Variants in PIK3R4 observed in about 807,000 individuals in gnomAD.
The protein encoded by PIK3R4 is phosphoinositide-3-kinase regulatory subunit 4.
In PIK3R4, 46 loss-of-function variants were observed where a neutral mutation model predicts 136.5. That is an observed-to-expected ratio of 0.34 (90% CI 0.27 to 0.43). The LOEUF is 0.43. PIK3R4 is among the 20% of genes least tolerant of loss of function. The pLI is 1.00. For synonymous variants in PIK3R4, 557 were observed against 566.7 expected (o/e 0.98, Z 0.24); for missense variants, 1,331 against 1,649.5 (o/e 0.81, Z 3.35).
In PIK3R4 at chr3:130,723,595, TGAA is replaced by T; in HGVS notation, c.1808-11_1808-9del. 1 of 1,609,498 alleles carries T rather than the reference TGAA, an allele frequency of 6.2e-7. No individual in the cohort carries two copies. Among genetic ancestry groups the T allele is most frequent in the Non-Finnish European group, 8.5e-7 (1 of 1,178,402 alleles). On this transcript the variant is annotated splice_polypyrimidine_tract_variant and intron_variant, in intron 6 of 19. Transcript: ENST00000356763. ...CAACATAGGCAGCAACACCTGGAAA[TGAA>T]AAGCAATATTATGTGATTATTCAAT...
At chr3:130,689,978 C>G (rs1170977509) in intron 14 of PIK3R4, among the ~76,000 whole-genome samples, 2 of 152,184 alleles carry the variant, frequency 1.3e-5, no homozygotes, top group African/African-American at 4.8e-5. Flanking sequence ...TTAAATAAAA[C>G]CACCGCTATT....
chr3:130,722,084 C>A (rs1165614943), intron 7 of PIK3R4, among the ~76,000 whole-genome samples: 1 of 151,862 alleles, frequency 6.6e-6, no homozygotes, highest in Non-Finnish European at 1.5e-5. Context: ...AGTTTAAAAA[C>A]AGAATGAGAG....
At chr3:130,680,406 T>C (rs745862130) in intron 19 of PIK3R4, 19 of 359,154 alleles carry the variant, frequency 5.3e-5, no homozygotes, top group Non-Finnish European at 8.6e-5. Flanking sequence ...TACTGGTCAT[T>C]TGAGCTATTA....
At chr3:130,726,134 T>C (rs2066730079) in intron 6 of PIK3R4, among the ~76,000 whole-genome samples, 2 of 151,904 alleles carry the variant, frequency 1.3e-5, no homozygotes, top group Admixed American at 6.5e-5. Flanking sequence ...TTATACCAAA[T>C]ATATAGATTA....
intron 2 of PIK3R4, among the ~76,000 whole-genome samples, chr3:130,740,069 T>C (rs771861834): frequency 5.3e-5 from 8 of 152,170 alleles, no homozygotes; most frequent in African/African-American, 9.7e-5. Context: ...AAGGTCATCA[T>C]TGGGGGAAGC....
Position 130,684,360 on chromosome 3 carries a change from G to A in PIK3R4, c.3497C>T (p.Ala1166Val), listed in dbSNP as rs2066476705. The A allele has an allele frequency of 1.2e-6, 2 of 1,613,148 alleles. No individual in the cohort carries two copies. The highest frequency in any genetic ancestry group is 1.7e-6 in the Non-Finnish European group (2 of 1,179,414). ...LCIGTSSGTMACWDMRFQLPI... is the reference protein window; with the variant it reads ...LCIGTSSGTMVCWDMRFQLPI... ...CAACTGGAACCTCATGTCCCAACAA[G>A]CCATGGTACCACTGCTTGTACCTTA... Residue 1166 changes from alanine (A) to valine (V), a missense_variant, in exon 16 of 20, where the codon GCT (alanine) becomes GTT (valine). Ala to Val is a moderately conservative substitution (Grantham distance 64). Coordinates refer to ENST00000356763, the MANE Select transcript of PIK3R4 (RefSeq NM_014602.3).
intron 7 of PIK3R4, among the ~76,000 whole-genome samples, chr3:130,719,615 G>A (rs920845012): frequency 1.1e-4 from 16 of 152,018 alleles, no homozygotes; most frequent in African/African-American, 3.9e-4. Context: ...GGGAAAATGA[G>A]GACTGGAAAA....
In PIK3R4 at chr3:130,744,868, A is replaced by G; in HGVS notation, c.351T>C (p.Arg117=). ...GCTTCTCAATGTTATTCAAGAATGG[A>G]CGGGTACTGATGCGATCATAGAGAT... The part of the protein sequence containing the change: ...RDNLYDRIST[R]PFLNNIEKRW... The change falls in exon 2 of 20, where the codon CGT becomes CGC. Residue 117 remains arginine (R), a synonymous_variant. Coordinates refer to ENST00000356763, the MANE Select transcript of PIK3R4 (RefSeq NM_014602.3). 6.2e-7 allele frequency: 1 copy of G among 1,614,216 alleles called. No homozygotes were observed. Among genetic ancestry groups the G allele is most frequent in the Non-Finnish European group, 8.5e-7 (1 of 1,180,036 alleles).
intron 13 of PIK3R4, among the ~76,000 whole-genome samples, chr3:130,703,091 G>A (rs561089080): frequency 6.6e-6 from 1 of 152,224 alleles, no homozygotes; most frequent in South Asian, 2.1e-4. Context: ...AACAGCCAGA[G>A]TAATTCTGTT....
chr3:130,679,359 T>C lies in PIK3R4; in HGVS notation c.4033A>G (p.Ile1345Val), dbSNP rs1183076639. Residue 1345 changes from isoleucine (I) to valine (V), a missense_variant, in exon 20 of 20, where the codon ATC becomes GTC. This residue lies in a region of PIK3R4 where 1,180 missense variants were observed against 1,407.0 expected (regional missense o/e 0.84). Coordinates refer to ENST00000356763, the MANE Select transcript of PIK3R4 (RefSeq NM_014602.3). ...VATFQTTQGF[I>V]VTASRDGIVK... ...ATCCCATCTCTAGAAGCAGTTACGA[T>C]GAAGCCCTGTGTGGTCTGGAATGTG... 4 of 1,612,212 alleles carry C rather than the reference T, an allele frequency of 2.5e-6. No homozygotes were observed. The South Asian group carries it at 4.4e-5, about 18-fold the overall frequency.
At chr3:130,735,532 T>G (rs1231387750) in intron 3 of PIK3R4, among the ~76,000 whole-genome samples, 1 of 152,242 alleles carries the variant, frequency 6.6e-6, no homozygotes, top group Non-Finnish European at 1.5e-5. Context: ...AATGTCTGTC[T>G]TCTTCATTTC....
At position 130,679,282 on chromosome 3, in the gene PIK3R4, A is replaced by ATAAC. The variant is rs748572653; in HGVS notation, c.*29_*32dup. The ATAAC allele has an allele frequency of 1.2e-5, 16 of 1,357,200 alleles. No individual in the cohort carries two copies. Among genetic ancestry groups the ATAAC allele is most frequent in the Admixed American group, 7.3e-5 (3 of 41,070 alleles). The allele number at this position is 1,357,200 out of a possible 1,614,324, so 84.1% of individuals were successfully genotyped here. A position where few individuals can be genotyped will look rare whatever the true frequency, so the allele number is the denominator to read the frequency against. On this transcript the variant is annotated 3_prime_UTR_variant, in exon 20 of 20. Coordinates refer to ENST00000356763, the MANE Select transcript of PIK3R4 (RefSeq NM_014602.3). ...TTTCTCGAGTTATAGTATTATATTT[A>ATAAC]TAACTATTAAAATTTATACAAATCA...
rs770471371 is a variant in PIK3R4, at chr3:130,690,442, C to A, written c.3263+48G>T. 5.1e-6 allele frequency: 7 copies of A among 1,359,774 alleles called. 1 individual carries two copies. In the South Asian group the frequency reaches 9.5e-5, roughly 18 times the overall value. The allele number at this position is 1,359,774 out of a possible 1,614,324, so 84.2% of individuals were successfully genotyped here. ...CAGGGTAGAAAGGAGACTTAAGGTA[C>A]TGTAGTGCACTAAATACAATGTTTA... On this transcript the variant is annotated intron_variant, in intron 14 of 19. Transcript: ENST00000356763.
At position 130,707,041 on chromosome 3, in the gene PIK3R4, A is replaced by G. The variant is rs761556922; in HGVS notation, c.2628T>C (p.Pro876=). The G allele has an allele frequency of 1.9e-6, 3 of 1,613,030 alleles. No homozygotes were observed. Among genetic ancestry groups the G allele is most frequent in the Non-Finnish European group, 1.7e-6 (2 of 1,179,546 alleles). ...LDPPNMPQAL[P]KGSDQEVIQT... is the part of the protein sequence containing the mutation. ...GAATCACCTCCTGATCACTCCCTTT[A>G]GGTAGGGCCTGTGGCATGTTTGGTG... The change falls in exon 11 of 20, where the codon CCT becomes CCC. Residue 876 remains proline, a synonymous_variant. Transcript: ENST00000356763.
chr3:130,711,337 G>A (rs999889545), intron 9 of PIK3R4, among the ~76,000 whole-genome samples: 12 of 152,140 alleles, frequency 7.9e-5, no homozygotes, highest in African/African-American at 2.9e-4. Flanking sequence ...CAGCAATACT[G>A]TCTAGAGAGA....
chr3:130,744,509 C>A lies in PIK3R4; in HGVS notation c.710G>T (p.Arg237Ile). The stretch of plus-strand genomic sequence containing the variant: ...ACCTGCTGAAAAGATGTCCATTGCT[C>A]TCTTCAACTCTCCTCTTGTTCTCTG... ...SNQRTRGELK[R>I]AMDIFSAGCV... The change falls in exon 2 of 20, where the codon AGA becomes ATA. Residue 237 changes from arginine to isoleucine, a missense_variant. By Grantham distance (97) the Arg-to-Ile change is moderately conservative (BLOSUM62 -3). Around this residue, in one of 2 missense-constraint regions of PIK3R4, gnomAD observed 1,180 missense variants for 1,407.0 expected, o/e 0.84. Coordinates refer to ENST00000356763, the MANE Select transcript of PIK3R4 (RefSeq NM_014602.3). 6.2e-7 allele frequency: 1 copy of A among 1,613,190 alleles called. No individual in the cohort carries two copies. The highest frequency in any genetic ancestry group is 1.1e-5 in the South Asian group (1 of 90,948).
rs1317823331 is a variant in PIK3R4, at chr3:130,744,504, T to C, written c.715A>G (p.Met239Val). 5.0e-6 allele frequency: 8 copies of C among 1,612,528 alleles called. No homozygotes were observed. In the Admixed American group the frequency reaches 6.7e-5, roughly 13 times the overall value. The change falls in exon 2 of 20, where the codon ATG becomes GTG. Residue 239 changes from methionine to valine, a missense_variant. Physicochemically the swap from Met to Val is conservative, Grantham distance 21. This residue lies in a region of PIK3R4 where 1,180 missense variants were observed against 1,407.0 expected (regional missense o/e 0.84). Transcript: ENST00000356763. ...QRTRGELKRA[M>V]DIFSAGCVIA... ...CAAATACCTGCTGAAAAGATGTCCA[T>C]TGCTCTCTTCAACTCTCCTCTTGTT...
intron 9 of PIK3R4, among the ~76,000 whole-genome samples, chr3:130,713,346 A>G (rs925163056): frequency 2.6e-5 from 4 of 152,226 alleles, no homozygotes; most frequent in African/African-American, 7.2e-5. Context: ...CCACTCAGAC[A>G]AATGAGGGGA....
chr3:130,727,223 T>C (rs912425338), intron 6 of PIK3R4, among the ~76,000 whole-genome samples: 3 of 150,880 alleles, frequency 2.0e-5, no homozygotes, highest in Admixed American at 1.3e-4. Context: ...AAACTTAAAG[T>C]CTTTTTTTTT....
Sources: allele counts gnomAD v4.1 joint callset (sites outside exome capture counted in the v4.1 genomes callset), GRCh38; gene constraint gnomAD v4.1.1; regional missense constraint gnomAD v4.1.1; transcripts MANE v1.5; gene names NCBI Gene and HGNC (gene_info 2026-07-23, HGNC 2026-07-21).